The following MRAS variants were observed in gnomAD, a reference collection of about 807,000 sequenced individuals.
MRAS encodes the protein muscle RAS oncogene homolog, also known as ras-related protein M-Ras.
Under a neutral mutation model 20.9 loss-of-function variants are expected in MRAS, and 4 were observed. The observed-to-expected ratio is 0.19, with a 90% confidence interval of 0.09 to 0.44. MRAS has a LOEUF of 0.44. Among genes scored for constraint, MRAS ranks in the 20% least tolerant of loss-of-function variants. MRAS has a pLI of 0.99. For missense variants in MRAS, 154 were observed against 277.5 expected, an observed-to-expected ratio of 0.56 and a Z score of 3.16; for synonymous variants, 98 against 102.9, an observed-to-expected ratio of 0.95 and a Z score of 0.29.
At chr3:138,360,833 A>G (rs932134246) in intron 1 of MRAS, among the ~76,000 whole-genome samples, 7 of 152,128 alleles carry the variant, frequency 4.6e-5, no homozygotes, top group African/African-American at 9.7e-5. Flanking sequence ...GAAAAAGAAG[A>G]CAAGGCCTGG....
chr3:138,363,542 T>C (rs901436226), intron 1 of MRAS, among the ~76,000 whole-genome samples: 3 of 152,080 alleles, frequency 2.0e-5, no homozygotes, highest in Non-Finnish European at 2.9e-5. Context: ...AAATACACAC[T>C]GTGAGCCCCA....
In MRAS at chr3:138,404,507, G is replaced by A. The variant is rs1444982316; in HGVS notation, c.*2238G>A. ...AAGACATAGGGATTTCAACCACACA[G>A]TTGGGACAGAAGGGACAGTGCATCT... On this transcript the variant is annotated 3_prime_UTR_variant, in exon 6 of 6. Transcript: ENST00000423968. 1.3e-5 allele frequency: 2 copies of A among 152,272 alleles called. No individual in the cohort carries two copies. 9.4% of individuals were successfully genotyped at this position (152,272 alleles called of 1,614,324 possible). A position where few individuals can be genotyped will look rare whatever the true frequency, so the allele number is the denominator to read the frequency against.
intron 1 of MRAS, among the ~76,000 whole-genome samples, chr3:138,366,056 C>T (rs2054553706): frequency 6.6e-6 from 1 of 152,186 alleles, no homozygotes; most frequent in African/African-American, 2.4e-5. Flanking sequence ...AGCAAAGTCT[C>T]GGGGAGCGGA....
Position 138,351,911 on chromosome 3 carries a change from C to T in MRAS, c.-19+3144C>T, listed in dbSNP as rs140783054. On this transcript the variant is annotated intron_variant, in intron 1 of 5. Transcript: ENST00000423968. ...GGATTCATGGATCTCTGAAAACCAG[C>T]CCTGGATCCCAGTTTAGCCATCTCT... 8.3e-3 allele frequency among the ~76,000 whole-genome samples: 1,258 copies of T among 152,270 alleles called. 18 individuals are homozygous for T. Among genetic ancestry groups the T allele is most frequent in the African/African-American group, 0.029 (1,208 of 41,554 alleles).
At chr3:138,358,043 A>T (rs2054369721) in intron 1 of MRAS, among the ~76,000 whole-genome samples, 1 of 152,202 alleles carries the variant, frequency 6.6e-6, no homozygotes, top group Admixed American at 6.5e-5. Context: ...CCCTTGTCAG[A>T]TGTAAAGGGG....
intron 2 of MRAS, among the ~76,000 whole-genome samples, chr3:138,377,881 A>G (rs1317789711): frequency 6.6e-6 from 1 of 152,260 alleles, no homozygotes; most frequent in African/African-American, 2.4e-5. Context: ...AGCACATTGC[A>G]TTTGCTGTCT....
At chr3:138,386,771 C>G (rs1322549362) in intron 2 of MRAS, among the ~76,000 whole-genome samples, 1 of 152,214 alleles carries the variant, frequency 6.6e-6, no homozygotes, top group East Asian at 1.9e-4. Flanking sequence ...GCGTGAGCCA[C>G]CGCGTTCGGC....
intron 2 of MRAS, among the ~76,000 whole-genome samples, chr3:138,392,523 C>T (rs1260873698): frequency 1.3e-5 from 2 of 152,104 alleles, no homozygotes; most frequent in East Asian, 1.9e-4. Context: ...TGTCCACATA[C>T]GTGTTTAAGC....
chr3:138,375,708 T>G (rs1560173600), intron 2 of MRAS, among the ~76,000 whole-genome samples: 1 of 152,098 alleles, frequency 6.6e-6, no homozygotes, highest in Non-Finnish European at 1.5e-5. Context: ...CAGAACCAAA[T>G]CATGACTTCA....
At chr3:138,389,599 GTGGTTC>G (rs62882560) in intron 2 of MRAS, among the ~76,000 whole-genome samples, 13,572 of 150,334 alleles carry the variant, frequency 0.09, 1,623 homozygotes, top group African/African-American at 0.27. Flanking sequence ...CCAGACAGTG[GTGGTTC>G]TGGTTGAAGA....
At chr3:138,392,832 CAT>C (rs1272661970) in intron 2 of MRAS, among the ~76,000 whole-genome samples, 1 of 152,136 alleles carries the variant, frequency 6.6e-6, no homozygotes, top group African/African-American at 2.4e-5. Flanking sequence ...TGTGATGAGT[CAT>C]AGATTTATTT....
At chr3:138,349,513 G>A (rs1444902693) in intron 1 of MRAS, 1 of 152,398 alleles carries the variant, frequency 6.6e-6, no homozygotes, top group Non-Finnish European at 1.5e-5. Context: ...TGGACACCCA[G>A]TTAGACTCTG....
intron 2 of MRAS, among the ~76,000 whole-genome samples, chr3:138,384,458 G>T (rs1468454293): frequency 1.3e-5 from 2 of 152,152 alleles, no homozygotes; most frequent in Non-Finnish European, 2.9e-5. Context: ...GAGTATTTGA[G>T]GTTATTAGAG....
At chr3:138,387,820 C>T (rs979265987) in intron 2 of MRAS, among the ~76,000 whole-genome samples, 3 of 152,134 alleles carry the variant, frequency 2.0e-5, no homozygotes, top group Admixed American at 6.5e-5. Context: ...GAATGTGCAC[C>T]GACATATGCA....
intron 1 of MRAS, among the ~76,000 whole-genome samples, chr3:138,357,941 CT>C (rs1158315565): frequency 3.9e-5 from 6 of 152,228 alleles, no homozygotes; most frequent in African/African-American, 1.4e-4. Context: ...TTCCTGGATA[CT>C]TTCCCCCAGA....
intron 1 of MRAS, among the ~76,000 whole-genome samples, chr3:138,360,142 C>T (rs1016490314): frequency 2.0e-5 from 3 of 152,168 alleles, no homozygotes; most frequent in Non-Finnish European, 4.4e-5. Context: ...CAGCCTCTGC[C>T]GGCACGTGCA....
At chr3:138,373,377 T>C (rs897955781) in intron 2 of MRAS, among the ~76,000 whole-genome samples, 5 of 152,222 alleles carry the variant, frequency 3.3e-5, no homozygotes, top group Admixed American at 6.5e-5. Context: ...TTAACAGTTA[T>C]GGATGTCTTT....
chr3:138,378,017 G>C (rs1316404338), intron 2 of MRAS, among the ~76,000 whole-genome samples: 1 of 152,226 alleles, frequency 6.6e-6, no homozygotes, highest in Non-Finnish European at 1.5e-5. Context: ...CCTACCCACT[G>C]TCAGTCTGGT....
intron 2 of MRAS, among the ~76,000 whole-genome samples, chr3:138,384,904 A>G (rs2054978927): frequency 6.6e-6 from 1 of 152,226 alleles, no homozygotes. Flanking sequence ...GAGACCGGCC[A>G]GGAGCCCAGC....
Sources: allele counts gnomAD v4.1 joint callset (sites outside exome capture counted in the v4.1 genomes callset), GRCh38; gene constraint gnomAD v4.1.1; transcripts MANE v1.5; gene names NCBI Gene and HGNC (gene_info 2026-07-23, HGNC 2026-07-21).